GRIK2: variants seen among roughly 807,000 people sequenced by gnomAD.
GRIK2 encodes the protein glutamate ionotropic receptor kainate type subunit 2.
Under a neutral mutation model 100.3 loss-of-function variants are expected in GRIK2, and 32 were observed. The ratio of observed to expected loss-of-function variants is 0.32; its 90% CI spans 0.24 to 0.43. The LOEUF (loss-of-function observed/expected upper bound fraction) is 0.43. Ranked by LOEUF, GRIK2 falls within the 20% of genes least tolerant of loss-of-function variation. GRIK2 has a pLI of 1.00. For synonymous variants in GRIK2, 417 were observed against 389.4 expected (o/e 1.07, Z -0.83); for missense variants, 843 against 1,114.9 (o/e 0.76, Z 3.47).
At chr6:101,969,358 A>G (rs1792893007) in intron 14 of GRIK2, among the ~76,000 whole-genome samples, 1 of 152,000 alleles carries the variant, frequency 6.6e-6, no homozygotes, top group African/African-American at 2.4e-5. Context: ...TTGAATTTGT[A>G]TAGCTTCAAA....
intron 2 of GRIK2, among the ~76,000 whole-genome samples, chr6:101,608,787 G>A (rs1562258399): frequency 9.6e-6 from 1 of 104,472 alleles, no homozygotes; most frequent in African/African-American, 4.6e-5. Context: ...ATAGAGGGGT[G>A]TGTGTGTGTG....
At chr6:101,574,740 A>G (rs1582747503) in intron 2 of GRIK2, among the ~76,000 whole-genome samples, 1 of 151,918 alleles carries the variant, frequency 6.6e-6, no homozygotes, top group East Asian at 1.9e-4. Context: ...ATGTGAATCT[A>G]GAATGGCAAA....
At chr6:101,532,688 T>TAC (rs1269243337) in intron 2 of GRIK2, among the ~76,000 whole-genome samples, 2 of 151,356 alleles carry the variant, frequency 1.3e-5, no homozygotes, top group South Asian at 2.1e-4. Context: ...ATGGAATACA[T>TAC]ACACACACAC....
At chr6:101,524,562 G>A (rs532131243) in intron 2 of GRIK2, among the ~76,000 whole-genome samples, 6 of 152,076 alleles carry the variant, frequency 3.9e-5, no homozygotes, top group African/African-American at 1.4e-4. Flanking sequence ...TAGATATGTA[G>A]AAGAAACCCA....
chr6:101,715,153 G>C (rs1213076335), intron 7 of GRIK2, among the ~76,000 whole-genome samples: 2 of 151,726 alleles, frequency 1.3e-5, no homozygotes, highest in Admixed American at 6.6e-5. Flanking sequence ...TTCTCAATTT[G>C]TTTAAGTTCA....
intron 2 of GRIK2, among the ~76,000 whole-genome samples, chr6:101,566,182 A>G (rs965145024): frequency 5.3e-5 from 8 of 151,674 alleles, no homozygotes; most frequent in African/African-American, 1.7e-4. Context: ...GTGCAAACCC[A>G]TGTTGTTCAA....
chr6:101,673,962 G>T (rs1770629989), intron 4 of GRIK2, among the ~76,000 whole-genome samples: 1 of 152,118 alleles, frequency 6.6e-6, no homozygotes, highest in African/African-American at 2.4e-5. Flanking sequence ...ACAGTAAGAA[G>T]ATTATAAGTC....
At chr6:101,693,240 T>C (rs889057014) in intron 7 of GRIK2, among the ~76,000 whole-genome samples, 1 of 152,122 alleles carries the variant, frequency 6.6e-6, no homozygotes, top group African/African-American at 2.4e-5. Flanking sequence ...ATTATTTTTA[T>C]AGGTCAATTT....
chr6:101,565,959 A>ATATATATATATATATAT (rs71547433), intron 2 of GRIK2, among the ~76,000 whole-genome samples: 1 of 143,454 alleles, frequency 7.0e-6, no homozygotes, highest in African/African-American at 2.6e-5. Context: ...ATATATATAT[A>ATATATATATATATATAT]AGCAAACTAG....
intron 10 of GRIK2, among the ~76,000 whole-genome samples, chr6:101,824,349 T>C (rs1246296213): frequency 1.3e-5 from 2 of 152,204 alleles, no homozygotes; most frequent in Non-Finnish European, 2.9e-5. Flanking sequence ...TGCATCTTCA[T>C]AGCTTAGCTC....
chr6:101,888,463 G>A (rs988586908), intron 11 of GRIK2, among the ~76,000 whole-genome samples: 1 of 152,060 alleles, frequency 6.6e-6, no homozygotes, highest in East Asian at 1.9e-4. Context: ...TATTTTATTT[G>A]ATTTATGAAT....
intron 2 of GRIK2, among the ~76,000 whole-genome samples, chr6:101,511,379 G>A (rs962903785): frequency 6.6e-6 from 1 of 152,004 alleles, no homozygotes; most frequent in Admixed American, 6.6e-5. Context: ...TTACAGTTCT[G>A]TAAAATATTA....
At position 101,909,371 on chromosome 6, in the gene GRIK2, G is replaced by GTT. The variant is rs370241149; in HGVS notation, c.1749-15227_1749-15226dup. ...TTTTTGGATGCTGAAGGAAGATAGG[G>GTT]TTTTCTTTTTCTTTTTTTTTTTTTT... On this transcript the variant is annotated intron_variant, in intron 12 of 16. Coordinates refer to ENST00000369134, the MANE Select transcript of GRIK2 (RefSeq NM_021956.5). Among the ~76,000 whole-genome samples, 683 of 83,472 alleles carry GTT rather than the reference G, an allele frequency of 8.2e-3. 89 individuals are homozygous for GTT. Among genetic ancestry groups the GTT allele is most frequent in the African/African-American group, 0.028 (637 of 22,834 alleles). The allele number at this position is 83,472 out of a possible 152,430, so 54.8% of individuals were successfully genotyped here.
chr6:101,789,400 A>G (rs1006950474), intron 7 of GRIK2, among the ~76,000 whole-genome samples: 3 of 152,084 alleles, frequency 2.0e-5, no homozygotes, highest in African/African-American at 7.2e-5. Context: ...TAAGGAAGGG[A>G]TCCAGTTTCA....
At chr6:101,938,679 T>C (rs1790763186) in intron 14 of GRIK2, among the ~76,000 whole-genome samples, 1 of 152,028 alleles carries the variant, frequency 6.6e-6, no homozygotes, top group Non-Finnish European at 1.5e-5. Context: ...AATAAAGAAC[T>C]CTCCAGATGA....
chr6:102,056,030 A>G (rs1771447605), intron 16 of GRIK2, among the ~76,000 whole-genome samples: 1 of 151,780 alleles, frequency 6.6e-6, no homozygotes, highest in Non-Finnish European at 1.5e-5. Flanking sequence ...TTTTATCTGA[A>G]TAGCTTTAGT....
chr6:101,950,787 G>A (rs558447941), intron 14 of GRIK2, among the ~76,000 whole-genome samples: 1 of 152,160 alleles, frequency 6.6e-6, no homozygotes, highest in Non-Finnish European at 1.5e-5. Context: ...TGGGAGCCAG[G>A]AAACACATTC....
chr6:101,975,818 T>TCTATCTATCTATCTAA (rs1335404596), intron 14 of GRIK2, among the ~76,000 whole-genome samples: 10 of 151,350 alleles, frequency 6.6e-5, no homozygotes, highest in African/African-American at 2.2e-4. Context: ...TGTCTATCTA[T>TCTATCTATCTATCTAA]CTATCTATCT....
At chr6:101,823,619 A>G (rs1464606831) in intron 10 of GRIK2, among the ~76,000 whole-genome samples, 1 of 152,096 alleles carries the variant, frequency 6.6e-6, no homozygotes, top group Non-Finnish European at 1.5e-5. Flanking sequence ...TTTATTGCAT[A>G]GAGGTTGTTA....
Sources: gnomAD v4.1 joint callset for allele counts (sites outside exome capture counted in the v4.1 genomes callset) on GRCh38, gnomAD v4.1.1 for gene constraint, MANE v1.5 for transcripts, NCBI Gene and HGNC (gene_info 2026-07-23, HGNC 2026-07-21) for gene names.